CENPW: variants seen among roughly 807,000 people sequenced by gnomAD.
CENPW encodes centromere protein W.
CENPW carries 3 observed loss-of-function variants against 11.1 expected under a neutral mutation model. The observed-to-expected ratio is 0.27, with a 90% confidence interval of 0.12 to 0.70. The LOEUF (loss-of-function observed/expected upper bound fraction) is 0.70. Among genes scored for constraint, CENPW ranks in the 30% least tolerant of loss-of-function variants. The probability of loss-of-function intolerance (pLI) is 0.77; values close to 1 mark genes in which losing one functional copy is unlikely to be tolerated. For missense variants in CENPW, 100 were observed against 105.6 expected (o/e 0.95, Z 0.23); for synonymous variants, 38 against 42.0 (o/e 0.91, Z 0.37).
At chr6:126,463,326 C>A in the CENPW span, among the ~76,000 whole-genome samples, 3 of 151,956 alleles carry the variant, frequency 2.0e-5, no homozygotes, top group African/African-American at 7.2e-5. Context: ...TGAAATAAAT[C>A]TGACTTTTAG....
chr6:126,397,402 C>G, the CENPW span, among the ~76,000 whole-genome samples: 1 of 152,186 alleles, frequency 6.6e-6, no homozygotes, highest in African/African-American at 2.4e-5. Context: ...CTCAGATTCT[C>G]TTTCCACACC....
the CENPW span, among the ~76,000 whole-genome samples, chr6:126,400,652 G>A: frequency 6.6e-6 from 1 of 151,898 alleles, no homozygotes; most frequent in Non-Finnish European, 1.5e-5. Context: ...TTCTTCTGGA[G>A]TTCTGATTAT....
chr6:126,404,616 C>G, the CENPW span, among the ~76,000 whole-genome samples: 1 of 152,036 alleles, frequency 6.6e-6, no homozygotes, highest in East Asian at 1.9e-4. Context: ...TAATAACTTA[C>G]ATTTCCACCA....
the CENPW span, among the ~76,000 whole-genome samples, chr6:126,406,538 G>T: frequency 1.3e-5 from 2 of 152,194 alleles, no homozygotes; most frequent in East Asian, 1.9e-4. Context: ...AGTTGGAAAA[G>T]AATTGGTGTT....
the CENPW span, among the ~76,000 whole-genome samples, chr6:126,365,041 CA>C: frequency 6.6e-6 from 1 of 152,090 alleles, no homozygotes; most frequent in East Asian, 1.9e-4. Context: ...CATGTAGACA[CA>C]AGGATTTAAG....
chr6:126,448,342 GAAACAGAACCTGTATTTTAAC>G, the CENPW span, among the ~76,000 whole-genome samples: 1 of 151,078 alleles, frequency 6.6e-6, no homozygotes, highest in Non-Finnish European at 1.5e-5. Context: ...CAGACCTACT[GAAACAGAACCTGTATTTTAAC>G]AATATATGTG....
At chr6:126,420,671 T>A in the CENPW span, among the ~76,000 whole-genome samples, 27 of 152,112 alleles carry the variant, frequency 1.8e-4, no homozygotes, top group Non-Finnish European at 3.5e-4. Context: ...ATCTATGTCC[T>A]CAGTAGGAAG....
the CENPW span, among the ~76,000 whole-genome samples, chr6:126,356,416 G>A: frequency 7.2e-5 from 11 of 152,200 alleles, no homozygotes; most frequent in Non-Finnish European, 1.6e-4. Flanking sequence ...ACGGGACAGC[G>A]GGATTTGCTA....
chr6:126,400,786 T>C, the CENPW span, among the ~76,000 whole-genome samples: 1 of 152,080 alleles, frequency 6.6e-6, no homozygotes, highest in Non-Finnish European at 1.5e-5. Flanking sequence ...ATGAGTTTAC[T>C]GATTCATTCC....
the CENPW span, among the ~76,000 whole-genome samples, chr6:126,408,316 A>G: frequency 1.3e-5 from 2 of 152,190 alleles, no homozygotes; most frequent in Admixed American, 1.3e-4. Context: ...GAGGTCTCAT[A>G]ATCAAGGTGG....
At chr6:126,394,065 T>A in the CENPW span, among the ~76,000 whole-genome samples, 1 of 151,946 alleles carries the variant, frequency 6.6e-6, no homozygotes, top group African/African-American at 2.4e-5. Flanking sequence ...GATCATTAGG[T>A]ATTTTTAATC....
chr6:126,385,345 T>A, the CENPW span, among the ~76,000 whole-genome samples: 1 of 152,056 alleles, frequency 6.6e-6, no homozygotes, highest in African/African-American at 2.4e-5. Flanking sequence ...AGCAAAGACA[T>A]GAAATTAACC....
chr6:126,358,633 A>G, the CENPW span, among the ~76,000 whole-genome samples: 27 of 152,246 alleles, frequency 1.8e-4, no homozygotes, highest in African/African-American at 6.5e-4. Flanking sequence ...GGATTTTTGC[A>G]TCTGTGTTCA....
chr6:126,443,022 T>G, the CENPW span, among the ~76,000 whole-genome samples: 1 of 151,312 alleles, frequency 6.6e-6, no homozygotes, highest in Admixed American at 6.6e-5. Context: ...TGTGATTATT[T>G]AATAGAAAGA....
the CENPW span, among the ~76,000 whole-genome samples, chr6:126,365,645 A>G: frequency 6.6e-6 from 1 of 152,194 alleles, no homozygotes. Flanking sequence ...GAAGCAGACC[A>G]TAGCAACCAC....
chr6:126,410,860 T>G, the CENPW span, among the ~76,000 whole-genome samples: 1 of 152,082 alleles, frequency 6.6e-6, no homozygotes, highest in African/African-American at 2.4e-5. Context: ...TTTGTTGGAT[T>G]TCTTACTCAT....
intron 1 of CENPW, among the ~76,000 whole-genome samples, chr6:126,342,606 C>A (rs979741311): frequency 6.6e-6 from 1 of 152,026 alleles, no homozygotes; most frequent in African/African-American, 2.4e-5. Flanking sequence ...TACTTGGCAA[C>A]CTACAATTTT....
At chr6:126,415,612 G>A in the CENPW span, among the ~76,000 whole-genome samples, 1 of 152,136 alleles carries the variant, frequency 6.6e-6, no homozygotes, top group Non-Finnish European at 1.5e-5. Context: ...CATGTATTGT[G>A]GGAGGGACCT....
the CENPW span, among the ~76,000 whole-genome samples, chr6:126,406,266 T>TG: frequency 8.7e-6 from 1 of 115,086 alleles, no homozygotes; most frequent in Admixed American, 1.1e-4. Context: ...TTGTAAATGT[T>TG]AAACATCCTT....
Sources: gnomAD v4.1 joint callset for allele counts (sites outside exome capture counted in the v4.1 genomes callset) on GRCh38, gnomAD v4.1.1 for gene constraint, MANE v1.5 for transcripts, NCBI Gene and HGNC (gene_info 2026-07-23, HGNC 2026-07-21) for gene names.